Variants in KCNN2 observed in about 807,000 individuals in gnomAD.
The protein encoded by KCNN2 is potassium calcium-activated channel subfamily N member 2.
KCNN2 carries 24 observed loss-of-function variants against 55.5 expected under a neutral mutation model. The observed-to-expected ratio is 0.43, with a 90% CI of 0.31 to 0.61. The LOEUF (loss-of-function observed/expected upper bound fraction) is 0.61. Ranked by LOEUF, KCNN2 falls within the 20% of genes least tolerant of loss-of-function variation. The pLI, the probability that KCNN2 is intolerant of heterozygous loss-of-function variation, is 0.08. For missense variants in KCNN2, 754 were observed against 853.6 expected, an observed-to-expected ratio of 0.88 and a Z score of 1.45; for synonymous variants, 431 against 336.1, an observed-to-expected ratio of 1.28 and a Z score of -3.09.
chr5:114,231,461 A>G (rs925774148), intron 2 of KCNN2, among the ~76,000 whole-genome samples: 2 of 149,054 alleles, frequency 1.3e-5, no homozygotes, highest in African/African-American at 2.6e-5. Flanking sequence ...TGATTTTTGT[A>G]TAAGGTGTAA....
chr5:114,146,650 G>A (rs1392457219), intron 1 of KCNN2, among the ~76,000 whole-genome samples: 1 of 152,156 alleles, frequency 6.6e-6, no homozygotes, highest in Admixed American at 6.6e-5. Context: ...AGGCCTCAGG[G>A]ATTAACTCCA....
intron 1 of KCNN2, among the ~76,000 whole-genome samples, chr5:114,156,882 A>G (rs1752646139): frequency 1.3e-5 from 2 of 152,228 alleles, no homozygotes; most frequent in East Asian, 3.9e-4. Context: ...TTGCCAGTAG[A>G]CATAGCTTAT....
At chr5:114,306,892 C>T (rs757317499) in intron 2 of KCNN2, among the ~76,000 whole-genome samples, 3 of 151,604 alleles carry the variant, frequency 2.0e-5, no homozygotes, top group Non-Finnish European at 4.4e-5. Flanking sequence ...TTAGTAGAGA[C>T]GAGGTGTTGC....
intron 3 of KCNN2, among the ~76,000 whole-genome samples, chr5:114,420,119 G>A: frequency 6.6e-6 from 1 of 152,240 alleles, no homozygotes; most frequent in East Asian, 1.9e-4. Flanking sequence ...GGTAACATCA[G>A]TACAACACTG....
At chr5:114,189,811 T>C (rs1394233218) in intron 1 of KCNN2, among the ~76,000 whole-genome samples, 2 of 152,144 alleles carry the variant, frequency 1.3e-5, no homozygotes, top group Non-Finnish European at 2.9e-5. Context: ...ACATGGGATC[T>C]TGGAATGTGA....
At chr5:114,056,594 G>A (rs1750214250) in intron 1 of KCNN2, 1 of 394,764 alleles carries the variant, frequency 2.5e-6, no homozygotes, top group South Asian at 1.4e-4. Flanking sequence ...GTTTGCCTGG[G>A]CTTTCACTCC....
intron 4 of KCNN2, among the ~76,000 whole-genome samples, chr5:114,469,170 G>A (rs1331316602): frequency 6.6e-6 from 1 of 152,182 alleles, no homozygotes; most frequent in African/African-American, 2.4e-5. Flanking sequence ...TGTCTGTTCA[G>A]TTTAATCTGG....
At chr5:114,330,808 C>T (rs1469735598) in intron 2 of KCNN2, among the ~76,000 whole-genome samples, 2 of 152,178 alleles carry the variant, frequency 1.3e-5, no homozygotes, top group African/African-American at 4.8e-5. Context: ...GTGGTAATTG[C>T]CTGGGAGCAG....
At chr5:114,111,331 C>G (rs1030663190) in intron 1 of KCNN2, among the ~76,000 whole-genome samples, 1 of 152,112 alleles carries the variant, frequency 6.6e-6, no homozygotes, top group Admixed American at 6.6e-5. Flanking sequence ...AAAATTAACT[C>G]AAGATAGATT....
chr5:114,460,120 A>G (rs1169694260), intron 3 of KCNN2, among the ~76,000 whole-genome samples: 1 of 152,212 alleles, frequency 6.6e-6, no homozygotes, highest in Non-Finnish European at 1.5e-5. Context: ...ATTTCCCTGC[A>G]GGCAACGGCC....
At chr5:114,140,497 T>G (rs1052019686) in intron 1 of KCNN2, among the ~76,000 whole-genome samples, 4 of 152,190 alleles carry the variant, frequency 2.6e-5, no homozygotes, top group African/African-American at 9.6e-5. Flanking sequence ...ATTCTAATAT[T>G]TAAGTCATCA....
At chr5:114,124,806 C>T (rs532665887) in intron 1 of KCNN2, among the ~76,000 whole-genome samples, 2 of 152,228 alleles carry the variant, frequency 1.3e-5, no homozygotes, top group Non-Finnish European at 2.9e-5. Context: ...TTTTCCTGTC[C>T]ACATTATGTA....
intron 1 of KCNN2, among the ~76,000 whole-genome samples, chr5:114,130,818 A>T (rs1752056700): frequency 1.3e-5 from 2 of 152,200 alleles, no homozygotes; most frequent in Non-Finnish European, 2.9e-5. Flanking sequence ...CATCTATGTC[A>T]AACACTGTAT....
chr5:114,342,822 T>TA (rs1301987502), intron 2 of KCNN2, among the ~76,000 whole-genome samples: 1 of 152,198 alleles, frequency 6.6e-6, no homozygotes, highest in African/African-American at 2.4e-5. Context: ...TCTTCAAGTA[T>TA]AAATGACCAC....
chr5:114,109,253 T>C (rs1309550907), intron 1 of KCNN2, among the ~76,000 whole-genome samples: 1 of 152,100 alleles, frequency 6.6e-6, no homozygotes, highest in Non-Finnish European at 1.5e-5. Context: ...CCATGTAGCT[T>C]TCTCTATAGG....
chr5:114,456,883 G>T (rs1381652725), intron 3 of KCNN2, among the ~76,000 whole-genome samples: 2 of 152,178 alleles, frequency 1.3e-5, no homozygotes, highest in African/African-American at 4.8e-5. Context: ...AAATTTGAAT[G>T]TATGGGGCGT....
At chr5:114,141,200 A>G (rs947765816) in intron 1 of KCNN2, among the ~76,000 whole-genome samples, 2 of 152,100 alleles carry the variant, frequency 1.3e-5, no homozygotes, top group Non-Finnish European at 2.9e-5. Context: ...TTACATATGT[A>G]TACATGTGCC....
chr5:114,079,823 ATG>A (rs144581575), intron 1 of KCNN2, among the ~76,000 whole-genome samples: 1 of 147,458 alleles, frequency 6.8e-6, no homozygotes, highest in Admixed American at 6.8e-5. Flanking sequence ...GATACTTAAT[ATG>A]TGTGTGTGTG....
At chr5:114,194,437 C>T (rs1753510255) in intron 1 of KCNN2, among the ~76,000 whole-genome samples, 1 of 151,954 alleles carries the variant, frequency 6.6e-6, no homozygotes, top group Non-Finnish European at 1.5e-5. Context: ...ATTTGCATTT[C>T]TCTGATGGCT....
Sources: gnomAD v4.1 joint callset for allele counts (sites outside exome capture counted in the v4.1 genomes callset) on GRCh38, gnomAD v4.1.1 for gene constraint, MANE v1.5 for transcripts, NCBI Gene and HGNC (gene_info 2026-07-23, HGNC 2026-07-21) for gene names.